Variants in KCNK13 observed in about 807,000 individuals in gnomAD.
The protein encoded by KCNK13 is potassium two pore domain channel subfamily K member 13, also known as potassium channel subfamily K member 13.
KCNK13 carries 12 observed loss-of-function variants against 23.4 expected under a neutral mutation model. The observed-to-expected ratio is 0.51, with a 90% CI of 0.33 to 0.83. The LOEUF is 0.83. Among genes scored for constraint, KCNK13 ranks in the 40% least tolerant of loss-of-function variants. KCNK13 has a pLI of 0.02. For missense variants in KCNK13, 463 were observed against 556.3 expected (o/e 0.83, Z 1.69); for synonymous variants, 231 against 229.5 (o/e 1.01, Z -0.06).
chr14:90,092,041 C>G (rs933638641), intron 1 of KCNK13, among the ~76,000 whole-genome samples: 4 of 151,580 alleles, frequency 2.6e-5, no homozygotes, highest in Non-Finnish European at 4.4e-5. Context: ...CCTGCCTCAG[C>G]CTCCCGAGTA....
At chr14:90,167,689 A>T (rs1566650630) in intron 1 of KCNK13, among the ~76,000 whole-genome samples, 1 of 152,050 alleles carries the variant, frequency 6.6e-6, no homozygotes, top group Admixed American at 6.6e-5. Context: ...AAGCTAGCAA[A>T]CACCCCTGCC....
chr14:90,091,241 T>A (rs867403228), intron 1 of KCNK13, among the ~76,000 whole-genome samples: 13 of 152,300 alleles, frequency 8.5e-5, no homozygotes, highest in African/African-American at 2.9e-4. Flanking sequence ...CCTGATGGGG[T>A]GCATGGAGAT....
At chr14:90,091,962 T>G (rs1889350838) in intron 1 of KCNK13, among the ~76,000 whole-genome samples, 1 of 150,512 alleles carries the variant, frequency 6.6e-6, no homozygotes, top group Admixed American at 6.6e-5. Context: ...AGTCTCACTC[T>G]GTCCCCCAGG....
At chr14:90,067,747 A>T (rs1312719296) in intron 1 of KCNK13, among the ~76,000 whole-genome samples, 1 of 152,196 alleles carries the variant, frequency 6.6e-6, no homozygotes, top group Non-Finnish European at 1.5e-5. Context: ...AAGTAGAATG[A>T]CAGTATGTCT....
At chr14:90,111,812 CTAAA>C (rs1889618338) in intron 1 of KCNK13, among the ~76,000 whole-genome samples, 2 of 152,110 alleles carry the variant, frequency 1.3e-5, no homozygotes, top group Non-Finnish European at 2.9e-5. Context: ...TGTTTTTTAC[CTAAA>C]TAAATAAGGT....
chr14:90,091,928 C>CTTT (rs753251792), intron 1 of KCNK13, among the ~76,000 whole-genome samples: 2 of 135,720 alleles, frequency 1.5e-5, no homozygotes, highest in Admixed American at 7.4e-5. Flanking sequence ...AAGAGAACTC[C>CTTT]TTTTTTTTTT....
At chr14:90,118,042 A>C (rs1189561658) in intron 1 of KCNK13, among the ~76,000 whole-genome samples, 1 of 152,190 alleles carries the variant, frequency 6.6e-6, no homozygotes, top group African/African-American at 2.4e-5. Context: ...AAGAGATTTT[A>C]TTACTTGCAG....
intron 1 of KCNK13, among the ~76,000 whole-genome samples, chr14:90,145,963 A>T (rs1890068317): frequency 1.4e-5 from 2 of 145,486 alleles, no homozygotes; most frequent in Admixed American, 1.4e-4. Flanking sequence ...GTGAGCCATG[A>T]TCACGCCTGG....
intron 1 of KCNK13, among the ~76,000 whole-genome samples, chr14:90,066,267 T>C (rs1889007999): frequency 6.8e-6 from 1 of 147,852 alleles, no homozygotes; most frequent in South Asian, 2.2e-4. Context: ...TGACCCACTT[T>C]TTATTTTTTT....
chr14:90,164,441 T>C (rs1039174272), intron 1 of KCNK13, among the ~76,000 whole-genome samples: 3 of 152,172 alleles, frequency 2.0e-5, no homozygotes, highest in Non-Finnish European at 4.4e-5. Context: ...CTTTAAAGAC[T>C]CTTTTAAAGA....
At chr14:90,133,393 C>T (rs972840005) in intron 1 of KCNK13, among the ~76,000 whole-genome samples, 28 of 151,726 alleles carry the variant, frequency 1.8e-4, no homozygotes, top group Non-Finnish European at 3.4e-4. Flanking sequence ...TAAGAGGAAA[C>T]GGGGAGTGAC....
At chr14:90,106,381 C>G (rs1433298478) in intron 1 of KCNK13, among the ~76,000 whole-genome samples, 1 of 151,886 alleles carries the variant, frequency 6.6e-6, no homozygotes, top group African/African-American at 2.4e-5. Flanking sequence ...TCGAGACCAG[C>G]CTGGCCAACA....
At chr14:90,065,888 G>C (rs1372726563) in intron 1 of KCNK13, among the ~76,000 whole-genome samples, 2 of 152,188 alleles carry the variant, frequency 1.3e-5, no homozygotes, top group Non-Finnish European at 2.9e-5. Context: ...TTGGTTTCAG[G>C]CTTCATGGCA....
intron 1 of KCNK13, among the ~76,000 whole-genome samples, chr14:90,169,885 C>T (rs1041589384): frequency 6.6e-6 from 1 of 152,142 alleles, no homozygotes; most frequent in African/African-American, 2.4e-5. Context: ...TAAGGAACAG[C>T]CTCCAACTGA....
intron 1 of KCNK13, among the ~76,000 whole-genome samples, chr14:90,116,631 A>G (rs988135484): frequency 1.3e-5 from 2 of 152,150 alleles, no homozygotes; most frequent in South Asian, 2.1e-4. Context: ...ACCGCTCATT[A>G]CAACATAGCA....
chr14:90,163,603 A>G (rs11625056), intron 1 of KCNK13, among the ~76,000 whole-genome samples: 7,235 of 152,322 alleles, frequency 0.047, 228 homozygotes, highest in Middle Eastern at 0.12. Flanking sequence ...CAGGTGCAGG[A>G]TGAACTTGAA....
chr14:90,158,681 C>T (rs992816018), intron 1 of KCNK13, among the ~76,000 whole-genome samples: 2 of 151,862 alleles, frequency 1.3e-5, no homozygotes, highest in Non-Finnish European at 2.9e-5. Flanking sequence ...AGAAGGTTCC[C>T]TTCCTCCCTT....
chr14:90,142,802 G>A (rs1373796756), intron 1 of KCNK13, among the ~76,000 whole-genome samples: 1 of 152,226 alleles, frequency 6.6e-6, no homozygotes, highest in Non-Finnish European at 1.5e-5. Context: ...ATGTGCTTAT[G>A]TATGGGAGCA....
rs1020206452 is a variant in KCNK13, at chr14:90,134,146, A to T, written c.335-49965A>T. On this transcript the variant is annotated intron_variant, in intron 1 of 1. Coordinates refer to ENST00000282146, the MANE Select transcript of KCNK13 (RefSeq NM_022054.4). ...AATAGGAGGATCTCTTGAGCCCAGG[A>T]GTTCGAGGCTACAGTGAGCTGTGCG... Among the ~76,000 whole-genome samples, 4 of 152,020 alleles carry T rather than the reference A, an allele frequency of 2.6e-5. No homozygotes were observed. The South Asian group carries it at 8.3e-4, about 32-fold the overall frequency.
Sources: allele counts gnomAD v4.1 joint callset (sites outside exome capture counted in the v4.1 genomes callset), GRCh38; gene constraint gnomAD v4.1.1; transcripts MANE v1.5; gene names NCBI Gene and HGNC (gene_info 2026-07-23, HGNC 2026-07-21).